PLXNC1: variants seen among roughly 807,000 people sequenced by gnomAD.
The protein encoded by PLXNC1 is plexin-C1.
In PLXNC1, 75 loss-of-function variants were observed where a neutral mutation model predicts 178.2. The observed-to-expected ratio is 0.42, with a 90% CI of 0.35 to 0.51. The LOEUF (loss-of-function observed/expected upper bound fraction) is 0.51, where lower values mean the gene tolerates loss of function less well. PLXNC1 is among the 20% of genes least tolerant of loss of function. PLXNC1 has a pLI of 0.02. For missense variants in PLXNC1, 1,503 were observed against 1,984.4 expected, an observed-to-expected ratio of 0.76 and a Z score of 4.61; for synonymous variants, 790 against 779.9, an observed-to-expected ratio of 1.01 and a Z score of -0.22.
In PLXNC1 at chr12:94,149,126, G is replaced by T; in HGVS notation, c.155G>T (p.Ser52Ile). The change falls in exon 1 of 31, where the codon AGC (serine) becomes ATC (isoleucine). Residue 52 changes from serine to isoleucine, a missense_variant. Ser to Ile is a moderately radical substitution (Grantham distance 142). Transcript: ENST00000258526. ...SEQAIGAIAA[S>I]QEDGVFVASG... is the part of the protein sequence containing the mutation. ...CAAGCCATCGGAGCCATCGCGGCGAGCCAGGAGGACGGCGTGTTTGTGGCG... is the reference window on the plus strand; with the variant it reads ...CAAGCCATCGGAGCCATCGCGGCGATCCAGGAGGACGGCGTGTTTGTGGCG... 1 of 1,589,078 alleles carries T rather than the reference G, an allele frequency of 6.3e-7. No homozygotes were observed. The highest frequency in any genetic ancestry group is 8.5e-7 in the Non-Finnish European group (1 of 1,172,570).
intron 2 of PLXNC1, among the ~76,000 whole-genome samples, chr12:94,169,764 G>C (rs926261719): frequency 6.6e-6 from 1 of 152,180 alleles, no homozygotes; most frequent in Non-Finnish European, 1.5e-5. Flanking sequence ...CACAGAGGGG[G>C]TTTGTTTTTT....
chr12:94,249,299 C>G (rs1487438793), intron 14 of PLXNC1, among the ~76,000 whole-genome samples: 1 of 152,178 alleles, frequency 6.6e-6, no homozygotes, highest in African/African-American at 2.4e-5. Flanking sequence ...GTGGCACGAT[C>G]TTGGCTTACA....
intron 5 of PLXNC1, among the ~76,000 whole-genome samples, chr12:94,210,464 C>T (rs878934087): frequency 2.0e-5 from 3 of 152,186 alleles, no homozygotes; most frequent in Admixed American, 2.0e-4. Context: ...GTACAGAGTC[C>T]TCTGTTATGA....
At chr12:94,219,882 T>C in intron 5 of PLXNC1, 134 bp from the exon 6 acceptor site, 1 of 523,300 alleles carries the variant, frequency 1.9e-6, no homozygotes, top group Non-Finnish European at 3.4e-6. Context: ...CCCAGAAACA[T>C]CTATTCTTTA....
rs74439629 is a variant in PLXNC1, at chr12:94,286,744, C to T, written c.3879+4343C>T. ...AGGTTTTAAAGTTAATCTGTAGTGA[C>T]GGCCAGTTCCTCCTACTATCTAAAC... On this transcript the variant is annotated intron_variant, in intron 23 of 30. Coordinates refer to ENST00000258526, the MANE Select transcript of PLXNC1 (RefSeq NM_005761.3). Among the ~76,000 whole-genome samples, 289 of 152,058 alleles carry T rather than the reference C, an allele frequency of 1.9e-3. 5 individuals are homozygous for T. In the East Asian group the frequency reaches 0.038, roughly 20 times the overall value.
At position 94,306,612 on chromosome 12, in the gene PLXNC1, T is replaced by G. The variant is rs1445811823; in HGVS notation, c.*1327T>G. 1.3e-5 allele frequency: 2 copies of G among 152,166 alleles called. No individual in the cohort carries two copies. Among genetic ancestry groups the G allele is most frequent in the Non-Finnish European group, 2.9e-5 (2 of 68,018 alleles). 9.4% of individuals were successfully genotyped at this position (152,166 alleles called of 1,614,324 possible). On this transcript the variant is annotated 3_prime_UTR_variant, in exon 31 of 31. Transcript: ENST00000258526. ...GGCAGGCACCTTTTACCCTTGGTGC[T>G]CCAAATCCCCCATCTAGGAAAGAAA...
chr12:94,254,740 G>T, intron 15 of PLXNC1, 47 bp from the exon 16 acceptor site: 1 of 1,399,640 alleles, frequency 7.1e-7, no homozygotes, highest in Non-Finnish European at 9.8e-7. Context: ...TTCATTTTTG[G>T]TTTTTGAGTT....
chr12:94,303,953 T>C (rs1968743619), intron 29 of PLXNC1, 24 bp from the exon 30 acceptor site: 1 of 1,606,528 alleles, frequency 6.2e-7, no homozygotes, highest in South Asian at 1.1e-5. Context: ...CATTTCAGAA[T>C]CTCTCAACAA....
intron 15 of PLXNC1, among the ~76,000 whole-genome samples, chr12:94,252,656 G>T (rs75490968): frequency 0.011 from 1,693 of 152,304 alleles, 23 homozygotes; most frequent in African/African-American, 0.038. Flanking sequence ...AAATGTGAAA[G>T]ATTTGGATCA....
chr12:94,186,699 G>A (rs1022582084), intron 4 of PLXNC1: 5 of 472,176 alleles, frequency 1.1e-5, no homozygotes, highest in Non-Finnish European at 2.0e-5. Context: ...CGGGGCGGGA[G>A]GGGCAGGTGT....
At chr12:94,171,135 G>C (rs1961827387) in intron 2 of PLXNC1, among the ~76,000 whole-genome samples, 1 of 152,178 alleles carries the variant, frequency 6.6e-6, no homozygotes, top group Admixed American at 6.5e-5. Context: ...GCCTGGTTTT[G>C]CCTGTCCTGT....
At chr12:94,230,438 A>G (rs1964066709) in intron 9 of PLXNC1, among the ~76,000 whole-genome samples, 1 of 152,190 alleles carries the variant, frequency 6.6e-6, no homozygotes, top group Non-Finnish European at 1.5e-5. Context: ...GGTCACCACA[A>G]GAGAAGAAGA....
intron 21 of PLXNC1, among the ~76,000 whole-genome samples, chr12:94,268,525 C>T (rs1965377092): frequency 6.8e-6 from 1 of 147,588 alleles, no homozygotes; most frequent in Non-Finnish European, 1.5e-5. Context: ...TGTGCACACA[C>T]AGGACTTTAG....
chr12:94,256,372 C>G (rs187917397), intron 17 of PLXNC1: 7 of 152,104 alleles, frequency 4.6e-5, no homozygotes, highest in Non-Finnish European at 7.4e-5. Context: ...CATAAAACAC[C>G]TGCCATATTT....
chr12:94,187,031 C>CA (rs2135968321), intron 4 of PLXNC1, among the ~76,000 whole-genome samples: 1 of 152,356 alleles, frequency 6.6e-6, no homozygotes, highest in African/African-American at 2.4e-5. Flanking sequence ...AGGGGCGACT[C>CA]GGAGCGGCTT....
At position 94,275,810 on chromosome 12, in the gene PLXNC1, C is replaced by G. The variant is rs533689259; in HGVS notation, c.3598-3662C>G. On this transcript the variant is annotated intron_variant, in intron 21 of 30. Coordinates refer to ENST00000258526, the MANE Select transcript of PLXNC1 (RefSeq NM_005761.3). Reference sequence around the variant, plus strand: ...GCGGAGCTTGCAGTGAGCCGAGATCCCGCCACTGCACTCCAGCCTGGGCGA... The same window carrying G: ...GCGGAGCTTGCAGTGAGCCGAGATCGCGCCACTGCACTCCAGCCTGGGCGA... Among the ~76,000 whole-genome samples, 46 of 83,544 alleles carry G rather than the reference C, an allele frequency of 5.5e-4. 5 individuals are homozygous for G. The East Asian group carries it at 0.01, about 19-fold the overall frequency. The allele number at this position is 83,544 out of a possible 152,430, so 54.8% of individuals were successfully genotyped here. A position where few individuals can be genotyped will look rare whatever the true frequency, so the allele number is the denominator to read the frequency against.
intron 4 of PLXNC1, among the ~76,000 whole-genome samples, chr12:94,199,032 G>A (rs1963028197): frequency 6.6e-6 from 1 of 152,138 alleles, no homozygotes; most frequent in African/African-American, 2.4e-5. Context: ...GAGTAAACAG[G>A]GCTGTGAAGG....
intron 4 of PLXNC1, among the ~76,000 whole-genome samples, chr12:94,202,441 T>C (rs1963167439): frequency 6.6e-6 from 1 of 152,136 alleles, no homozygotes; most frequent in African/African-American, 2.4e-5. Context: ...GGATTTACAG[T>C]GTAGCTGGAG....
At position 94,240,543 on chromosome 12, in the gene PLXNC1, C is replaced by T. The variant is rs755779430; in HGVS notation, c.2179C>T (p.Arg727Trp). The T allele has an allele frequency of 2.2e-5, 36 of 1,613,796 alleles. No homozygotes were observed. Among genetic ancestry groups the T allele is most frequent in the South Asian group, 1.3e-4 (12 of 91,082 alleles). ...THMKFSLPSS[R>W]KEMKDVCIQF... The stretch of plus-strand genomic sequence containing the variant: ...CATGAAATTCTCTCTTCCATCAAGC[C>T]GGAAAGAAATGAAGGATGTGTGTAT... Residue 727 changes from arginine (R) to tryptophan (W), a missense_variant, in exon 11 of 31, where the codon CGG becomes TGG. By Grantham distance (101) the Arg-to-Trp change is moderately radical. This residue lies in a region of PLXNC1 where 615 missense variants were observed against 698.6 expected (regional missense o/e 0.88). Coordinates refer to ENST00000258526, the MANE Select transcript of PLXNC1 (RefSeq NM_005761.3).
Sources: allele counts gnomAD v4.1 joint callset (sites outside exome capture counted in the v4.1 genomes callset), GRCh38; gene constraint gnomAD v4.1.1; regional missense constraint gnomAD v4.1.1; transcripts MANE v1.5; gene names NCBI Gene and HGNC (gene_info 2026-07-23, HGNC 2026-07-21).